The following CDK5RAP2 variants were observed in gnomAD, a reference collection of about 807,000 sequenced individuals.
CDK5RAP2 encodes CDK5 regulatory subunit associated protein 2, also known as CDK5 regulatory subunit-associated protein 2.
In CDK5RAP2, 147 loss-of-function variants were observed where a neutral mutation model predicts 232.9. That is an observed-to-expected ratio of 0.63 (90% confidence interval 0.55 to 0.72). The LOEUF is 0.72. CDK5RAP2 is among the 30% of genes least tolerant of loss of function. The pLI, the probability that CDK5RAP2 is intolerant of heterozygous loss-of-function variation, is 0.00. For synonymous variants in CDK5RAP2, 833 were observed against 833.7 expected, an observed-to-expected ratio of 1.00 and a Z score of 0.01; for missense variants, 2,195 against 2,231.5, an observed-to-expected ratio of 0.98 and a Z score of 0.33.
At chr9:120,399,041 G>A (rs901923567) in intron 35 of CDK5RAP2, among the ~76,000 whole-genome samples, 3 of 152,092 alleles carry the variant, frequency 2.0e-5, no homozygotes, top group East Asian at 1.9e-4. Flanking sequence ...CAACCACATC[G>A]GAGCATCTCA....
chr9:120,518,222 A>T (rs1325001806), intron 12 of CDK5RAP2, among the ~76,000 whole-genome samples: 52 of 145,574 alleles, frequency 3.6e-4, no homozygotes, highest in African/African-American at 1.2e-3. Context: ...AGAGAGAGAG[A>T]GAGAGAGAGA....
intron 3 of CDK5RAP2, among the ~76,000 whole-genome samples, chr9:120,555,504 A>G (rs2042196212): frequency 1.3e-5 from 2 of 152,202 alleles, no homozygotes; most frequent in South Asian, 2.1e-4. Flanking sequence ...GGCCTCCCAA[A>G]GTGCTGGAAT....
chr9:120,533,447 T>C (rs1169375751), intron 7 of CDK5RAP2, among the ~76,000 whole-genome samples: 1 of 152,096 alleles, frequency 6.6e-6, no homozygotes, highest in Non-Finnish European at 1.5e-5. Flanking sequence ...TTTCCTCTTT[T>C]TCCTTTTCCC....
chr9:120,410,190 CAG>C (rs1307436562), intron 29 of CDK5RAP2, among the ~76,000 whole-genome samples: 1 of 152,166 alleles, frequency 6.6e-6, no homozygotes, highest in Non-Finnish European at 1.5e-5. Context: ...GTGGCAGAAC[CAG>C]AATTCGGACT....
rs180955588 is a variant in CDK5RAP2 at position 120,484,656 on chromosome 9, G to A, written c.1626+2638C>T. On this transcript the variant is annotated intron_variant, in intron 14 of 37. Transcript: ENST00000349780. ...GGAGAATCACTTGAACCCAGGAGGC[G>A]GAGGTTGCAGTGTGCCAAGGTCATG... Among the ~76,000 whole-genome samples the A allele has an allele frequency of 1.4e-3, 219 of 152,178 alleles. 2 individuals carry two copies. Among genetic ancestry groups the A allele is most frequent in the Middle Eastern group, 6.8e-3 (2 of 294 alleles).
intron 16 of CDK5RAP2, among the ~76,000 whole-genome samples, 178 bp downstream of exon 16, chr9:120,471,570 A>G (rs2037704839): frequency 6.6e-6 from 1 of 152,214 alleles, no homozygotes; most frequent in South Asian, 2.1e-4. Flanking sequence ...ATTTAGTACA[A>G]CTTACTGGGC....
intron 15 of CDK5RAP2, among the ~76,000 whole-genome samples, chr9:120,475,448 C>T (rs1194238572): frequency 2.0e-5 from 3 of 152,140 alleles, no homozygotes; most frequent in Non-Finnish European, 4.4e-5. Context: ...TCAGGAGCAA[C>T]CATATCCACC....
At chr9:120,541,145 C>A (rs1315439700) in intron 5 of CDK5RAP2, among the ~76,000 whole-genome samples, 1 of 152,212 alleles carries the variant, frequency 6.6e-6, no homozygotes, top group Non-Finnish European at 1.5e-5. Flanking sequence ...GCTACCCACT[C>A]ACCAAGGTTT....
intron 18 of CDK5RAP2, among the ~76,000 whole-genome samples, chr9:120,467,400 C>T (rs935549218): frequency 3.9e-5 from 6 of 152,076 alleles, no homozygotes; most frequent in African/African-American, 9.7e-5. Context: ...CCAATGTGTC[C>T]GTGGAGACAT....
At chr9:120,431,239 G>A (rs555436086) in intron 25 of CDK5RAP2, among the ~76,000 whole-genome samples, 2 of 152,288 alleles carry the variant, frequency 1.3e-5, no homozygotes, top group South Asian at 4.1e-4. Flanking sequence ...TTGCGCACAT[G>A]TACCCTAAAA....
chr9:120,546,461 T>C (rs1377830423), intron 4 of CDK5RAP2, among the ~76,000 whole-genome samples: 1 of 152,164 alleles, frequency 6.6e-6, no homozygotes, highest in African/African-American at 2.4e-5. Flanking sequence ...CAAATGGAAT[T>C]CAATATGAGA....
chr9:120,492,433 T>G (rs2038955501), intron 12 of CDK5RAP2, among the ~76,000 whole-genome samples: 1 of 152,184 alleles, frequency 6.6e-6, no homozygotes. Flanking sequence ...CTATAAGGTA[T>G]AAGAGAGAAC....
At chr9:120,563,841 A>C (rs750940175) in intron 3 of CDK5RAP2, among the ~76,000 whole-genome samples, 4 of 152,264 alleles carry the variant, frequency 2.6e-5, no homozygotes, top group Non-Finnish European at 5.9e-5. Context: ...CCTCCTAGTG[A>C]AACCACAAAC....
intron 20 of CDK5RAP2, among the ~76,000 whole-genome samples, chr9:120,455,111 G>A (rs1306936091): frequency 6.6e-6 from 1 of 152,124 alleles, no homozygotes; most frequent in Non-Finnish European, 1.5e-5. Flanking sequence ...ACTGTCCCAG[G>A]AGGACATGGA....
At chr9:120,509,351 G>A (rs2039972526) in intron 12 of CDK5RAP2, among the ~76,000 whole-genome samples, 2 of 152,156 alleles carry the variant, frequency 1.3e-5, no homozygotes, top group Admixed American at 1.3e-4. Flanking sequence ...TTAAAAGCAG[G>A]AAAACAGGAA....
chr9:120,533,192 T>C (rs1472634639), intron 7 of CDK5RAP2, among the ~76,000 whole-genome samples: 1 of 152,086 alleles, frequency 6.6e-6, no homozygotes, highest in South Asian at 2.1e-4. Flanking sequence ...TTTTTTAACA[T>C]CTATCCCCTC....
At chr9:120,522,842 G>A (rs2040730489) in intron 11 of CDK5RAP2, among the ~76,000 whole-genome samples, 1 of 152,200 alleles carries the variant, frequency 6.6e-6, no homozygotes, top group African/African-American at 2.4e-5. Flanking sequence ...TTGGCAAAAA[G>A]ACCCCAATAC....
intron 5 of CDK5RAP2, 34 bp downstream of exon 5, chr9:120,545,680 G>A (rs370066312): frequency 1.3e-5 from 20 of 1,546,668 alleles, no homozygotes; most frequent in African/African-American, 4.1e-5. Flanking sequence ...CAGTGTGGGC[G>A]ACTTGCAAGC....
intron 35 of CDK5RAP2, among the ~76,000 whole-genome samples, chr9:120,395,227 G>A (rs1023156877): frequency 2.0e-5 from 3 of 152,206 alleles, no homozygotes; most frequent in East Asian, 1.9e-4. Flanking sequence ...GAATATAAAC[G>A]CCCACATCCA....
Sources: allele counts gnomAD v4.1 joint callset (sites outside exome capture counted in the v4.1 genomes callset), GRCh38; gene constraint gnomAD v4.1.1; transcripts MANE v1.5; gene names NCBI Gene and HGNC (gene_info 2026-07-23, HGNC 2026-07-21).